Variants in TANC2 observed in about 807,000 individuals in gnomAD.
TANC2 encodes the protein protein TANC2.
TANC2 carries 26 observed loss-of-function variants against 210.5 expected under a neutral mutation model. The observed-to-expected ratio is 0.12, with a 90% CI of 0.09 to 0.17. TANC2 has a LOEUF of 0.17. TANC2 is among the 10% of genes least tolerant of loss of function. The pLI, the probability that TANC2 is intolerant of heterozygous loss-of-function variation, is 1.00. For synonymous variants in TANC2, 931 were observed against 967.1 expected, an observed-to-expected ratio of 0.96 and a Z score of 0.69; for missense variants, 2,129 against 2,608.9, an observed-to-expected ratio of 0.82 and a Z score of 4.01.
chr17:63,190,814 A>G (rs749541021), intron 5 of TANC2, among the ~76,000 whole-genome samples: 13 of 152,206 alleles, frequency 8.5e-5, no homozygotes, highest in Admixed American at 2.6e-4. Flanking sequence ...AGACCAGACA[A>G]TCTTTAAAGT....
chr17:63,065,842 G>T (rs954249194), intron 2 of TANC2, among the ~76,000 whole-genome samples: 2 of 152,050 alleles, frequency 1.3e-5, no homozygotes, highest in Non-Finnish European at 2.9e-5. Context: ...CATTTTGTAG[G>T]TTATCTCTTC....
intron 9 of TANC2, among the ~76,000 whole-genome samples, chr17:63,305,993 T>C (rs2044889175): frequency 6.6e-6 from 1 of 152,136 alleles, no homozygotes; most frequent in Admixed American, 6.5e-5. Context: ...GGGGAGGAGC[T>C]TAGCTTAGAT....
chr17:63,294,696 C>G (rs746706400), intron 9 of TANC2, among the ~76,000 whole-genome samples: 2 of 152,170 alleles, frequency 1.3e-5, no homozygotes, highest in Non-Finnish European at 2.9e-5. Context: ...CTACCTATCT[C>G]TTTATGCACC....
At chr17:63,270,578 T>G (rs2043669866) in intron 9 of TANC2, among the ~76,000 whole-genome samples, 1 of 152,178 alleles carries the variant, frequency 6.6e-6, no homozygotes, top group Non-Finnish European at 1.5e-5. Context: ...AAAATCTTTT[T>G]TAGTCTGCAT....
At chr17:63,351,659 G>A (rs2046613780) in intron 13 of TANC2, among the ~76,000 whole-genome samples, 1 of 152,124 alleles carries the variant, frequency 6.6e-6, no homozygotes. Flanking sequence ...CCTCAAAATA[G>A]CATGAAAAGA....
At chr17:63,239,527 G>A (rs543213859) in intron 8 of TANC2, among the ~76,000 whole-genome samples, 1 of 152,254 alleles carries the variant, frequency 6.6e-6, no homozygotes, top group South Asian at 2.1e-4. Flanking sequence ...ATCAGCATCT[G>A]TCATCAGGTG....
At chr17:63,162,157 A>T (rs905221734) in intron 5 of TANC2, among the ~76,000 whole-genome samples, 13 of 152,132 alleles carry the variant, frequency 8.5e-5, no homozygotes, top group African/African-American at 3.1e-4. Flanking sequence ...AAAAATAAAA[A>T]GCCAGGCATG....
At chr17:63,113,211 T>G (rs2038121022) in intron 4 of TANC2, among the ~76,000 whole-genome samples, 1 of 152,216 alleles carries the variant, frequency 6.6e-6, no homozygotes, top group African/African-American at 2.4e-5. Flanking sequence ...GAACAGAATA[T>G]ATGTTCACAT....
At chr17:63,406,361 G>A (rs1009471183) in intron 21 of TANC2, 84 bp downstream of exon 21, 2 of 1,573,914 alleles carry the variant, frequency 1.3e-6, no homozygotes, top group Non-Finnish European at 1.7e-6. Flanking sequence ...GATCCCAGGA[G>A]ATGCTAAGAA....
intron 2 of TANC2, among the ~76,000 whole-genome samples, chr17:63,020,698 T>G (rs7503814): frequency 1.3e-5 from 2 of 152,118 alleles, no homozygotes; most frequent in Non-Finnish European, 2.9e-5. Context: ...TAGAATCATG[T>G]GTGACTGTTT....
In TANC2 at chr17:63,260,533, C is replaced by G. The variant is rs566134054; in HGVS notation, c.1034-7215C>G. The stretch of plus-strand genomic sequence containing the variant: ...GTGCGATGGCCCACGCCTGTAGTCC[C>G]AGCACTTTGGGAGACCAAGGTGGGC... On this transcript the variant is annotated intron_variant, in intron 8 of 27. Coordinates refer to ENST00000689528, the Ensembl canonical transcript of TANC2. Among the ~76,000 whole-genome samples, 11 of 152,300 alleles carry G rather than the reference C, an allele frequency of 7.2e-5. No homozygotes were observed. In the South Asian group the frequency reaches 1.7e-3, roughly 23 times the overall value.
chr17:63,016,275 G>A (rs1451655474), intron 2 of TANC2, among the ~76,000 whole-genome samples: 1 of 152,128 alleles, frequency 6.6e-6, no homozygotes, highest in Admixed American at 6.6e-5. Flanking sequence ...AAATGGTATA[G>A]CAATTAAAAA....
chr17:63,080,862 C>T (rs1057455636), intron 3 of TANC2, among the ~76,000 whole-genome samples: 30 of 151,892 alleles, frequency 2.0e-4, no homozygotes, highest in Non-Finnish European at 1.5e-5. Flanking sequence ...TGTTTATGTG[C>T]CAGGTTGTAA....
intron 7 of TANC2, among the ~76,000 whole-genome samples, chr17:63,214,239 T>G (rs1178590090): frequency 6.6e-6 from 1 of 152,198 alleles, no homozygotes; most frequent in Non-Finnish European, 1.5e-5. Context: ...GGAGACAGAC[T>G]GTATAGCATG....
intron 4 of TANC2, chr17:63,149,942 A>C (rs1337993051): frequency 6.6e-6 from 1 of 152,158 alleles, no homozygotes; most frequent in Non-Finnish European, 1.5e-5. Context: ...GAAAATATAC[A>C]TACCCTAAGG....
At chr17:63,131,200 A>G (rs1398544063) in intron 4 of TANC2, among the ~76,000 whole-genome samples, 1 of 152,244 alleles carries the variant, frequency 6.6e-6, no homozygotes, top group Admixed American at 6.5e-5. Flanking sequence ...ATTCTCCACC[A>G]CAGTTTTTAA....
intron 1 of TANC2, among the ~76,000 whole-genome samples, chr17:62,999,874 A>G (rs574085568): frequency 1.2e-3 from 180 of 152,354 alleles, no homozygotes; most frequent in Middle Eastern, 3.4e-3. Flanking sequence ...AAGAAAATGT[A>G]TATATGCACC....
chr17:63,297,134 G>C (rs1193793396), intron 9 of TANC2, among the ~76,000 whole-genome samples: 2 of 152,120 alleles, frequency 1.3e-5, no homozygotes, highest in African/African-American at 2.4e-5. Flanking sequence ...TTAAGATATT[G>C]GTACTACCCA....
chr17:63,025,874 A>G (rs2034535908), intron 2 of TANC2, among the ~76,000 whole-genome samples: 1 of 148,330 alleles, frequency 6.7e-6, no homozygotes, highest in Non-Finnish European at 1.5e-5. Flanking sequence ...TAAAATATCA[A>G]CATGAGTTGG....
Sources: allele counts gnomAD v4.1 joint callset (sites outside exome capture counted in the v4.1 genomes callset), GRCh38; gene constraint gnomAD v4.1.1; transcripts MANE v1.5; gene names NCBI Gene and HGNC (gene_info 2026-07-23, HGNC 2026-07-21).